The following GALNT11 variants were observed in gnomAD, a reference collection of about 807,000 sequenced individuals.
GALNT11 encodes UDP-GalNAc:polypeptide N-acetylgalactosaminyltransferase 11.
Under a neutral mutation model 72.7 loss-of-function variants are expected in GALNT11, and 47 were observed. The ratio of observed to expected loss-of-function variants is 0.65; its 90% CI spans 0.51 to 0.82. The LOEUF is 0.82. Among genes scored for constraint, GALNT11 ranks in the 40% least tolerant of loss-of-function variants. The pLI, the probability that GALNT11 is intolerant of heterozygous loss-of-function variation, is 0.00. For missense variants in GALNT11, 677 were observed against 778.4 expected (o/e 0.87, Z 1.55); for synonymous variants, 270 against 286.6 (o/e 0.94, Z 0.58).
At chr7:152,101,326 C>T (rs1041772332) in intron 3 of GALNT11, among the ~76,000 whole-genome samples, 1 of 152,170 alleles carries the variant, frequency 6.6e-6, no homozygotes, top group African/African-American at 2.4e-5. Context: ...TGTGGTCAGT[C>T]ATTCCACAGA....
intron 1 of GALNT11, among the ~76,000 whole-genome samples, chr7:152,051,195 G>C (rs1366486848): frequency 8.1e-6 from 1 of 123,088 alleles, no homozygotes; most frequent in African/African-American, 3.5e-5. Context: ...AATTATATCT[G>C]GTTGTTTTTT....
chr7:152,027,015 C>T (rs187334216), intron 1 of GALNT11, among the ~76,000 whole-genome samples: 1 of 152,190 alleles, frequency 6.6e-6, no homozygotes, highest in African/African-American at 2.4e-5. Context: ...TTTGGAAGGC[C>T]AAGGCGAGCG....
At chr7:152,095,486 A>T (rs9655564) in intron 2 of GALNT11, among the ~76,000 whole-genome samples, 1 of 152,142 alleles carries the variant, frequency 6.6e-6, no homozygotes, top group Non-Finnish European at 1.5e-5. Flanking sequence ...AAATAAAATC[A>T]GTTCTTAGGA....
Position 152,100,903 on chromosome 7 carries a change from C to T in GALNT11, c.401C>T (p.Pro134Leu). 1.9e-6 allele frequency: 3 copies of T among 1,613,874 alleles called. No individual in the cohort carries two copies. The highest frequency in any genetic ancestry group is 1.7e-6 in the Non-Finnish European group (2 of 1,179,938). ...CGCTTGGGCTACCACAGAGATGTGC[C>T]AGACACAAGGAATGCAGCGTATGTG... is the stretch of plus-strand genomic sequence containing the variant. ...SDRLGYHRDVPDTRNAACKEK... is the reference protein window; with the variant it reads ...SDRLGYHRDVLDTRNAACKEK... Residue 134 changes from proline (P) to leucine (L), a missense_variant, in exon 3 of 12, where the codon CCA becomes CTA. By Grantham distance (98) the Pro-to-Leu change is moderately conservative. Coordinates refer to ENST00000430044, the MANE Select transcript of GALNT11 (RefSeq NM_022087.4).
intron 1 of GALNT11, among the ~76,000 whole-genome samples, chr7:152,053,293 C>T (rs536068406): frequency 1.3e-5 from 2 of 152,318 alleles, no homozygotes; most frequent in South Asian, 4.2e-4. Context: ...CCTTATCCTG[C>T]TCCGTGATCC....
At chr7:152,075,759 G>A (rs2084921327) in intron 1 of GALNT11, among the ~76,000 whole-genome samples, 1 of 149,200 alleles carries the variant, frequency 6.7e-6, no homozygotes. Flanking sequence ...TTGCGCTGTT[G>A]CACTCCAGTC....
At chr7:152,033,936 C>T (rs2151988923) in intron 1 of GALNT11, among the ~76,000 whole-genome samples, 1 of 152,348 alleles carries the variant, frequency 6.6e-6, no homozygotes, top group African/African-American at 2.4e-5. Context: ...CTAACAGTAG[C>T]ATGACATCTC....
intron 4 of GALNT11, 98 bp from the exon 5 acceptor site, chr7:152,105,147 T>C: frequency 7.6e-7 from 1 of 1,310,108 alleles, no homozygotes; most frequent in South Asian, 1.6e-5. Context: ...TAGTTTGTTG[T>C]AAATTTTAGC....
intron 1 of GALNT11, among the ~76,000 whole-genome samples, chr7:152,085,048 G>T (rs550134264): frequency 1.3e-5 from 2 of 152,214 alleles, no homozygotes; most frequent in African/African-American, 4.8e-5. Context: ...GCCACACCAG[G>T]TCCTCTAATC....
intron 1 of GALNT11, among the ~76,000 whole-genome samples, chr7:152,059,777 G>A (rs760428680): frequency 3.3e-5 from 5 of 152,164 alleles, no homozygotes; most frequent in Admixed American, 6.5e-5. Context: ...AGGCTTTGTT[G>A]TTCCATTTCT....
chr7:152,120,220 A>ACTCTGATTCAGGGTCTTCATATTAG (rs2089295546), intron 10 of GALNT11: 2 of 152,304 alleles, frequency 1.3e-5, no homozygotes, highest in African/African-American at 4.8e-5. Flanking sequence ...GCTCCCTATG[A>ACTCTGATTCAGGGTCTTCATATTAG]CTCTGATTCA....
At chr7:152,108,970 C>T (rs1379277968) in intron 6 of GALNT11, among the ~76,000 whole-genome samples, 1 of 152,078 alleles carries the variant, frequency 6.6e-6, no homozygotes, top group Non-Finnish European at 1.5e-5. Flanking sequence ...AGTTATTCCT[C>T]CCCCAATTTA....
chr7:152,062,895 G>T (rs575924424), intron 1 of GALNT11, among the ~76,000 whole-genome samples: 3 of 152,224 alleles, frequency 2.0e-5, no homozygotes, highest in African/African-American at 7.2e-5. Context: ...TTTTGCATCG[G>T]TGTTCATCAG....
intron 1 of GALNT11, among the ~76,000 whole-genome samples, chr7:152,072,062 G>A (rs1211102937): frequency 6.7e-6 from 1 of 149,174 alleles, no homozygotes; most frequent in East Asian, 2.0e-4. Context: ...GCTCACCCCT[G>A]TAATCCCAGG....
chr7:152,051,958 CCATT>C (rs1296969541), intron 1 of GALNT11, among the ~76,000 whole-genome samples: 1 of 152,142 alleles, frequency 6.6e-6, no homozygotes, highest in African/African-American at 2.4e-5. Context: ...GGCATTAAGT[CCATT>C]CACAGTATTT....
At chr7:152,090,361 C>A in intron 1 of GALNT11, among the ~76,000 whole-genome samples, 1 of 151,902 alleles carries the variant, frequency 6.6e-6, no homozygotes, top group Non-Finnish European at 1.5e-5. Flanking sequence ...CTTTTATGTT[C>A]CTTGGGTTTA....
chr7:152,028,213 T>G (rs1476581152), intron 1 of GALNT11, among the ~76,000 whole-genome samples: 1 of 152,204 alleles, frequency 6.6e-6, no homozygotes, highest in Non-Finnish European at 1.5e-5. Flanking sequence ...ATTCCCTTAT[T>G]TGGCCCCACC....
chr7:152,061,651 A>G (rs2084024455), intron 1 of GALNT11, among the ~76,000 whole-genome samples: 1 of 152,170 alleles, frequency 6.6e-6, no homozygotes, highest in African/African-American at 2.4e-5. Flanking sequence ...TAATTTTTGT[A>G]TAAGGTGTAA....
chr7:152,057,256 A>T (rs904135995), intron 1 of GALNT11, among the ~76,000 whole-genome samples: 1 of 151,356 alleles, frequency 6.6e-6, no homozygotes, highest in Non-Finnish European at 1.5e-5. Context: ...TTTAACCTAT[A>T]GCCCTGCCCT....
Sources: allele counts gnomAD v4.1 joint callset (sites outside exome capture counted in the v4.1 genomes callset), GRCh38; gene constraint gnomAD v4.1.1; transcripts MANE v1.5; gene names NCBI Gene and HGNC (gene_info 2026-07-23, HGNC 2026-07-21).